The following ADARB2 variants were observed in gnomAD, a reference collection of about 807,000 sequenced individuals.
The protein encoded by ADARB2 is adenosine deaminase RNA specific B2 (inactive).
Under a neutral mutation model 62.2 loss-of-function variants are expected in ADARB2, and 25 were observed. The ratio of observed to expected loss-of-function variants is 0.40; its 90% CI spans 0.29 to 0.56. The LOEUF is 0.56. Among genes scored for constraint, ADARB2 ranks in the 20% least tolerant of loss-of-function variants. ADARB2 has a pLI of 0.43. For missense variants in ADARB2, 1,071 were observed against 1,077.4 expected (o/e 0.99, Z 0.08); for synonymous variants, 572 against 500.8 (o/e 1.14, Z -1.90).
intron 1 of ADARB2, among the ~76,000 whole-genome samples, chr10:1,447,269 A>T (rs78954942): frequency 0.034 from 5,197 of 152,328 alleles, 139 homozygotes; most frequent in Admixed American, 0.054. Context: ...GGTATCTGAG[A>T]TTATCCTGGA....
intron 1 of ADARB2, among the ~76,000 whole-genome samples, chr10:1,680,064 T>A (rs1426240137): frequency 6.6e-6 from 1 of 152,122 alleles, no homozygotes; most frequent in Non-Finnish European, 1.5e-5. Flanking sequence ...CCCAGCCTGT[T>A]TGCTTGGCAC....
chr10:1,182,398 A>AG lies in ADARB2; in HGVS notation c.*794_*795insC, dbSNP rs1564212869. ...GCACGCGTGGGCCGGGTGTTTCCAG[A>AG]CTCCCCACATCTGCAGCACGCGTGG... On this transcript the variant is annotated 3_prime_UTR_variant, in exon 10 of 10. Coordinates refer to ENST00000381312, the MANE Select transcript of ADARB2 (RefSeq NM_018702.4). 2 of 63,210 alleles carry AG rather than the reference A, an allele frequency of 3.2e-5. No homozygotes were observed. Among genetic ancestry groups the AG allele is most frequent in the Non-Finnish European group, 3.3e-5 (1 of 30,380 alleles). 3.9% of individuals were successfully genotyped at this position (63,210 alleles called of 1,614,324 possible).
At chr10:1,605,225 G>C (rs1833479698) in intron 1 of ADARB2, among the ~76,000 whole-genome samples, 1 of 152,196 alleles carries the variant, frequency 6.6e-6, no homozygotes, top group African/African-American at 2.4e-5. Context: ...TCTCTTTGTG[G>C]CCTCAGTGGG....
intron 3 of ADARB2, among the ~76,000 whole-genome samples, chr10:1,302,186 C>A (rs576848960): frequency 1.3e-5 from 2 of 152,228 alleles, no homozygotes; most frequent in Admixed American, 6.5e-5. Flanking sequence ...GTGCGCGAGC[C>A]GAAGCAGGGC....
intron 3 of ADARB2, among the ~76,000 whole-genome samples, chr10:1,282,147 G>GTA (rs1831376465): frequency 6.6e-6 from 1 of 152,192 alleles, no homozygotes; most frequent in Non-Finnish European, 1.5e-5. Context: ...AGTGGAGTTA[G>GTA]AATGGGTTGT....
chr10:1,389,748 AAAAT>A lies in ADARB2; in HGVS notation c.101-10592_101-10589del, dbSNP rs141695100. 9.0e-3 allele frequency among the ~76,000 whole-genome samples: 1,320 copies of A among 146,462 alleles called. 16 individuals are homozygous for A. The highest frequency in any genetic ancestry group is 0.026 in the African/African-American group (1,015 of 39,760). The stretch of plus-strand genomic sequence containing the variant: ...ACAGGCAGAGTGAGACTCTGACTCA[AAAAT>A]AAATAAATAAATAAATAAATAAATA... On this transcript the variant is annotated intron_variant, in intron 1 of 9. Coordinates refer to ENST00000381312, the MANE Select transcript of ADARB2 (RefSeq NM_018702.4).
chr10:1,467,409 C>T (rs1373031924), intron 1 of ADARB2, among the ~76,000 whole-genome samples: 2 of 152,192 alleles, frequency 1.3e-5, no homozygotes, highest in African/African-American at 4.8e-5. Context: ...CCTTCTCCCT[C>T]CCCATCTCCT....
intron 3 of ADARB2, among the ~76,000 whole-genome samples, chr10:1,298,747 T>A (rs1831546809): frequency 2.7e-5 from 1 of 36,670 alleles, no homozygotes; most frequent in African/African-American, 6.1e-5. Context: ...TTTTTTTTTT[T>A]TTTTTTTTTT....
intron 1 of ADARB2, among the ~76,000 whole-genome samples, chr10:1,619,895 G>T (rs573331263): frequency 2.2e-4 from 33 of 152,030 alleles, no homozygotes; most frequent in African/African-American, 7.5e-4. Context: ...ACAACAGAAA[G>T]AAATCTGGAA....
intron 1 of ADARB2, among the ~76,000 whole-genome samples, chr10:1,484,198 T>C (rs1251902076): frequency 6.6e-6 from 1 of 152,212 alleles, no homozygotes; most frequent in East Asian, 1.9e-4. Context: ...AGACTTTATT[T>C]CTCTCATTTG....
At chr10:1,730,124 A>G (rs554183122) in intron 1 of ADARB2, among the ~76,000 whole-genome samples, 1 of 152,346 alleles carries the variant, frequency 6.6e-6, no homozygotes, top group East Asian at 1.9e-4. Flanking sequence ...GTTTACAAAT[A>G]GATTCTGAGC....
intron 1 of ADARB2, among the ~76,000 whole-genome samples, chr10:1,613,421 G>A (rs190566609): frequency 2.2e-4 from 34 of 152,266 alleles, no homozygotes; most frequent in African/African-American, 7.9e-4. Context: ...ACATCCATGA[G>A]ACATTCTTCA....
At chr10:1,721,337 T>C (rs535876272) in intron 1 of ADARB2, among the ~76,000 whole-genome samples, 9 of 152,344 alleles carry the variant, frequency 5.9e-5, no homozygotes, top group African/African-American at 1.9e-4. Flanking sequence ...ATGTTGACGT[T>C]GACATAAAAT....
intron 3 of ADARB2, among the ~76,000 whole-genome samples, chr10:1,280,588 G>A (rs146331968): frequency 2.0e-5 from 3 of 146,924 alleles, no homozygotes; most frequent in Non-Finnish European, 4.4e-5. Flanking sequence ...GTGACGCTCC[G>A]TGAAATTCCT....
chr10:1,325,899 G>A (rs1054819254), intron 3 of ADARB2, among the ~76,000 whole-genome samples: 7 of 152,066 alleles, frequency 4.6e-5, no homozygotes, highest in African/African-American at 1.7e-4. Context: ...CCCAAAGCCC[G>A]GGACATAGTG....
chr10:1,672,697 T>G (rs112100229), intron 1 of ADARB2, among the ~76,000 whole-genome samples: 3,140 of 63,018 alleles, frequency 0.05, 9 homozygotes, highest in South Asian at 0.081. Context: ...CCTTTCCTCC[T>G]TCCAGGCCCC....
Position 1,615,503 on chromosome 10 carries a change from C to T in ADARB2, c.100+121548G>A, listed in dbSNP as rs536298555. 3.7e-4 allele frequency among the ~76,000 whole-genome samples: 56 copies of T among 152,308 alleles called. 1 individual carries two copies. Among genetic ancestry groups the T allele is most frequent in the Middle Eastern group, 6.8e-3 (2 of 294 alleles). ...CACAGCTGTCCGGGTGGGGCATTGT[C>T]CACCCGGGAGAGTGTGTCTTACACC... On this transcript the variant is annotated intron_variant, in intron 1 of 9. Coordinates refer to ENST00000381312, the MANE Select transcript of ADARB2 (RefSeq NM_018702.4).
chr10:1,730,227 C>G (rs1168758847), intron 1 of ADARB2, among the ~76,000 whole-genome samples: 1 of 152,070 alleles, frequency 6.6e-6, no homozygotes, highest in Non-Finnish European at 1.5e-5. Flanking sequence ...GTTGCTGGCA[C>G]CGTTAAAAAG....
chr10:1,275,352 G>A (rs1427085004), intron 3 of ADARB2, among the ~76,000 whole-genome samples: 2 of 152,160 alleles, frequency 1.3e-5, no homozygotes, highest in Non-Finnish European at 2.9e-5. Context: ...GAGGTGGGAG[G>A]TGCAGCTGAC....
Sources: allele counts gnomAD v4.1 joint callset (sites outside exome capture counted in the v4.1 genomes callset), GRCh38; gene constraint gnomAD v4.1.1; transcripts MANE v1.5; gene names NCBI Gene and HGNC (gene_info 2026-07-23, HGNC 2026-07-21).